The following CSNK2A2IP variants were observed in gnomAD, a reference collection of about 807,000 sequenced individuals.
CSNK2A2IP encodes casein kinase II subunit alpha'-interacting protein.
At chr3:88,378,445 A>G in the CSNK2A2IP span, among the ~76,000 whole-genome samples, 1 of 151,800 alleles carries the variant, frequency 6.6e-6, no homozygotes, top group Non-Finnish European at 1.5e-5. Context: ...TTCCAGTAAA[A>G]CTCTTCACAA....
the CSNK2A2IP span, among the ~76,000 whole-genome samples, chr3:88,403,385 A>T: frequency 2.3e-4 from 35 of 152,242 alleles, no homozygotes; most frequent in African/African-American, 8.2e-4. Flanking sequence ...AATTTGATTT[A>T]TGGAGATAAA....
chr3:88,339,762 G>C, the CSNK2A2IP span, among the ~76,000 whole-genome samples: 10 of 152,060 alleles, frequency 6.6e-5, no homozygotes, highest in African/African-American at 2.4e-4. Context: ...GTAAATCTTT[G>C]AACATTGGCA....
the CSNK2A2IP span, among the ~76,000 whole-genome samples, chr3:88,455,376 T>C: frequency 6.6e-6 from 1 of 152,088 alleles, no homozygotes; most frequent in South Asian, 2.1e-4. Context: ...ATTTATCTTT[T>C]GACTGTTTGA....
chr3:88,410,866 T>C, the CSNK2A2IP span, among the ~76,000 whole-genome samples: 2 of 152,018 alleles, frequency 1.3e-5, no homozygotes, highest in Non-Finnish European at 2.9e-5. Context: ...TTTTGTTATA[T>C]ATATAGAGAG....
At chr3:88,433,221 G>A in the CSNK2A2IP span, among the ~76,000 whole-genome samples, 6 of 151,830 alleles carry the variant, frequency 4.0e-5, no homozygotes, top group Non-Finnish European at 8.8e-5. Context: ...GACTTAATAA[G>A]TATTTTAAAA....
At chr3:88,466,223 C>T in the CSNK2A2IP span, 52,008 of 1,231,562 alleles carry the variant, frequency 0.042, 2,226 homozygotes, top group African/African-American at 0.19. Flanking sequence ...TCTAACCCCA[C>T]TATTGGAGGC....
chr3:88,356,704 T>C, the CSNK2A2IP span, among the ~76,000 whole-genome samples: 1 of 152,294 alleles, frequency 6.6e-6, no homozygotes, highest in East Asian at 1.9e-4. Flanking sequence ...CTAACTTACA[T>C]TCACATCAAC....
chr3:88,427,471 T>C, the CSNK2A2IP span, among the ~76,000 whole-genome samples: 6 of 152,118 alleles, frequency 3.9e-5, no homozygotes, highest in South Asian at 2.1e-4. Context: ...AGGGGGAAAA[T>C]GTCTCCAGGG....
At chr3:88,381,690 A>T in the CSNK2A2IP span, among the ~76,000 whole-genome samples, 3 of 152,208 alleles carry the variant, frequency 2.0e-5, no homozygotes, top group Admixed American at 6.5e-5. Context: ...TACAAGATTG[A>T]GAAAAGCAAT....
the CSNK2A2IP span, among the ~76,000 whole-genome samples, chr3:88,456,838 A>G: frequency 6.6e-6 from 1 of 152,062 alleles, no homozygotes; most frequent in Admixed American, 6.6e-5. Context: ...TGCTAATACT[A>G]GACTGTTTTG....
chr3:88,397,449 A>T, the CSNK2A2IP span, among the ~76,000 whole-genome samples: 1 of 152,214 alleles, frequency 6.6e-6, no homozygotes, highest in Admixed American at 6.5e-5. Context: ...ATTAACAAGA[A>T]TAATGATAGA....
the CSNK2A2IP span, among the ~76,000 whole-genome samples, chr3:88,384,867 T>C: frequency 1.3e-5 from 2 of 152,016 alleles, no homozygotes; most frequent in South Asian, 2.1e-4. Context: ...TTGAAGGCAG[T>C]GAGGGAAATG....
chr3:88,386,996 C>T, the CSNK2A2IP span, among the ~76,000 whole-genome samples: 4 of 152,224 alleles, frequency 2.6e-5, no homozygotes, highest in Admixed American at 2.6e-4. Context: ...CACCAATAAA[C>T]AGTGGATGAC....
chr3:88,367,670 G>A, the CSNK2A2IP span, among the ~76,000 whole-genome samples: 80 of 152,096 alleles, frequency 5.3e-4, no homozygotes, highest in Non-Finnish European at 9.0e-4. Context: ...AATGCAAGCC[G>A]TTCACACCAA....
chr3:88,414,109 G>A, the CSNK2A2IP span, among the ~76,000 whole-genome samples: 8 of 150,368 alleles, frequency 5.3e-5, no homozygotes, highest in Admixed American at 2.0e-4. Context: ...TACAGTCTAG[G>A]GAAACAGACT....
At chr3:88,421,007 G>T in the CSNK2A2IP span, among the ~76,000 whole-genome samples, 1 of 152,016 alleles carries the variant, frequency 6.6e-6, no homozygotes, top group Admixed American at 6.6e-5. Flanking sequence ...TATGCAGGGG[G>T]AATTCATGCA....
the CSNK2A2IP span, among the ~76,000 whole-genome samples, chr3:88,346,322 T>A: frequency 5.3e-5 from 8 of 152,012 alleles, no homozygotes; most frequent in Admixed American, 5.3e-4. Flanking sequence ...CTGATGAATG[T>A]GGCTACACTA....
chr3:88,355,340 T>C, the CSNK2A2IP span, among the ~76,000 whole-genome samples: 12 of 152,288 alleles, frequency 7.9e-5, no homozygotes, highest in South Asian at 2.3e-3. Context: ...TTATGTATGT[T>C]CTGGGTGTTT....
chr3:88,426,512 C>G, the CSNK2A2IP span, among the ~76,000 whole-genome samples: 1 of 152,142 alleles, frequency 6.6e-6, no homozygotes, highest in Non-Finnish European at 1.5e-5. Flanking sequence ...GCTCTGTGTT[C>G]GCACCCAAAT....
Sources: gnomAD v4.1 joint callset for allele counts (sites outside exome capture counted in the v4.1 genomes callset) on GRCh38, gnomAD v4.1.1 for gene constraint, MANE v1.5 for transcripts, NCBI Gene and HGNC (gene_info 2026-07-23, HGNC 2026-07-21) for gene names.